Variants in GRXCR1 observed in about 807,000 individuals in gnomAD.
GRXCR1 encodes the protein glutaredoxin and cysteine rich domain containing 1, also known as glutaredoxin domain-containing cysteine-rich protein 1.
In GRXCR1, 27 loss-of-function variants were observed where a neutral mutation model predicts 27.3. The observed-to-expected ratio is 0.99, with a 90% CI of 0.73 to 1.37. The LOEUF (loss-of-function observed/expected upper bound fraction) is 1.37. Among genes scored for constraint, GRXCR1 ranks in the 40% most tolerant of loss-of-function variants. The pLI is 0.00. For synonymous variants in GRXCR1, 122 were observed against 131.1 expected (o/e 0.93, Z 0.47); for missense variants, 379 against 354.4 (o/e 1.07, Z -0.56).
rs368767430 is a variant in GRXCR1, at chr4:42,939,392, C to A, written c.385-23500C>A. Among the ~76,000 whole-genome samples the A allele has an allele frequency of 4.6e-4, 70 of 151,930 alleles. 2 individuals are homozygous for A. The South Asian group carries it at 0.011, about 23-fold the overall frequency. ...ACTGAATTTGTTTATCAGTTCTTAC[C>A]GTTTTTTGGTGGAGTCTTTAGGTTT... On this transcript the variant is annotated intron_variant, in intron 1 of 3. Transcript: ENST00000399770.
At chr4:42,943,974 G>A (rs1222515998) in intron 1 of GRXCR1, among the ~76,000 whole-genome samples, 1 of 151,964 alleles carries the variant, frequency 6.6e-6, no homozygotes, top group African/African-American at 2.4e-5. Flanking sequence ...TTGAGAAACT[G>A]TATTCTAGGT....
chr4:43,029,311 C>G (rs759321709), intron 3 of GRXCR1, among the ~76,000 whole-genome samples: 2 of 152,086 alleles, frequency 1.3e-5, no homozygotes, highest in Non-Finnish European at 2.9e-5. Flanking sequence ...ATATGTTAAG[C>G]ATGTTTGTCT....
At chr4:43,004,674 G>C (rs1389156263) in intron 2 of GRXCR1, among the ~76,000 whole-genome samples, 1 of 152,196 alleles carries the variant, frequency 6.6e-6, no homozygotes, top group African/African-American at 2.4e-5. Context: ...TGCCCTGCTG[G>C]GTTTTGGACT....
At chr4:42,980,337 G>A (rs897167399) in intron 2 of GRXCR1, among the ~76,000 whole-genome samples, 47 of 151,602 alleles carry the variant, frequency 3.1e-4, no homozygotes, top group African/African-American at 9.7e-4. Flanking sequence ...GGTATGTAGT[G>A]TTTCCATTTT....
intron 3 of GRXCR1, among the ~76,000 whole-genome samples, chr4:43,023,764 A>T (rs1478046092): frequency 1.3e-5 from 2 of 152,222 alleles, no homozygotes; most frequent in African/African-American, 4.8e-5. Context: ...GGAATAAATA[A>T]ATGACTTCTC....
chr4:42,932,487 A>G (rs1053124095), intron 1 of GRXCR1, among the ~76,000 whole-genome samples: 1 of 147,964 alleles, frequency 6.8e-6, no homozygotes, highest in African/African-American at 2.5e-5. Context: ...ATGGTCTCTT[A>G]GCAGCCTCTT....
chr4:42,967,233 T>C (rs770395396), intron 2 of GRXCR1, among the ~76,000 whole-genome samples: 3 of 152,116 alleles, frequency 2.0e-5, no homozygotes, highest in Non-Finnish European at 4.4e-5. Context: ...GGAATAATGT[T>C]TGTGTCTAGA....
chr4:42,896,767 C>T (rs1577895888), intron 1 of GRXCR1, among the ~76,000 whole-genome samples: 1 of 152,044 alleles, frequency 6.6e-6, no homozygotes, highest in South Asian at 2.1e-4. Flanking sequence ...ATTAATGTTC[C>T]TTATCTCTTC....
At chr4:42,972,409 C>T (rs538870279) in intron 2 of GRXCR1, among the ~76,000 whole-genome samples, 21 of 152,162 alleles carry the variant, frequency 1.4e-4, no homozygotes, top group African/African-American at 4.8e-4. Flanking sequence ...TTTAAAGCCA[C>T]GAAGTGTTTG....
At chr4:42,950,238 A>C (rs1021157732) in intron 1 of GRXCR1, among the ~76,000 whole-genome samples, 1 of 152,046 alleles carries the variant, frequency 6.6e-6, no homozygotes, top group East Asian at 1.9e-4. Flanking sequence ...GCCACTTAAT[A>C]CTCTGATGCC....
At chr4:42,979,076 T>C (rs1046729686) in intron 2 of GRXCR1, among the ~76,000 whole-genome samples, 2 of 128,600 alleles carry the variant, frequency 1.6e-5, no homozygotes, top group African/African-American at 3.2e-5. Context: ...CAATCAAACC[T>C]CTCTCTCCTT....
At chr4:43,022,862 C>T (rs1379973875) in intron 3 of GRXCR1, among the ~76,000 whole-genome samples, 2 of 152,074 alleles carry the variant, frequency 1.3e-5, no homozygotes, top group Non-Finnish European at 2.9e-5. Flanking sequence ...AGATATATTC[C>T]CGGCATTTTA....
chr4:42,988,319 G>C (rs1378050877), intron 2 of GRXCR1, among the ~76,000 whole-genome samples: 1 of 152,144 alleles, frequency 6.6e-6, no homozygotes, highest in East Asian at 1.9e-4. Flanking sequence ...CTGATGCAGA[G>C]TGACACCACA....
chr4:42,981,696 A>G (rs1227143448), intron 2 of GRXCR1, among the ~76,000 whole-genome samples: 1 of 152,114 alleles, frequency 6.6e-6, no homozygotes, highest in Non-Finnish European at 1.5e-5. Context: ...TTTGCTGGCT[A>G]TAGTATTCTT....
chr4:42,939,320 A>G (rs965805500), intron 1 of GRXCR1, among the ~76,000 whole-genome samples: 2 of 147,690 alleles, frequency 1.4e-5, no homozygotes, highest in African/African-American at 5.1e-5. Flanking sequence ...CTGTTGACAT[A>G]TAGAAATAAT....
chr4:42,985,676 T>C (rs543771900), intron 2 of GRXCR1, among the ~76,000 whole-genome samples: 141 of 152,110 alleles, frequency 9.3e-4, no homozygotes, highest in African/African-American at 3.3e-3. Context: ...TCATTTGTGA[T>C]GTACATTTTT....
intron 2 of GRXCR1, among the ~76,000 whole-genome samples, chr4:42,978,828 CT>C (rs144924325): frequency 0.047 from 7,158 of 151,984 alleles, 217 homozygotes; most frequent in African/African-American, 0.078. Flanking sequence ...TATAATCCCC[CT>C]GGTCAAGAAA....
intron 2 of GRXCR1, among the ~76,000 whole-genome samples, chr4:42,985,634 A>G (rs922131846): frequency 1.3e-5 from 2 of 151,678 alleles, no homozygotes; most frequent in African/African-American, 4.8e-5. Context: ...AACTATATTA[A>G]ATATATTAAA....
At chr4:42,906,304 G>A (rs1316754924) in intron 1 of GRXCR1, among the ~76,000 whole-genome samples, 1 of 152,122 alleles carries the variant, frequency 6.6e-6, no homozygotes, top group Non-Finnish European at 1.5e-5. Flanking sequence ...AAAAAGATGT[G>A]CACCATAGTT....
Sources: allele counts gnomAD v4.1 joint callset (sites outside exome capture counted in the v4.1 genomes callset), GRCh38; gene constraint gnomAD v4.1.1; transcripts MANE v1.5; gene names NCBI Gene and HGNC (gene_info 2026-07-23, HGNC 2026-07-21).